Variants in PHLPP2 observed in about 807,000 individuals in gnomAD.
PHLPP2 encodes the protein PH domain leucine-rich repeat-containing protein phosphatase 2.
Under a neutral mutation model 124.9 loss-of-function variants are expected in PHLPP2, and 66 were observed. The observed-to-expected ratio is 0.53, with a 90% CI of 0.43 to 0.65. The LOEUF (loss-of-function observed/expected upper bound fraction) is 0.65, where lower values mean the gene tolerates loss of function less well. Ranked by LOEUF, PHLPP2 falls within the 30% of genes least tolerant of loss-of-function variation. The probability of loss-of-function intolerance (pLI) is 0.00; values close to 1 mark genes in which losing one functional copy is unlikely to be tolerated. For synonymous variants in PHLPP2, 681 were observed against 624.7 expected (o/e 1.09, Z -1.34); for missense variants, 1,685 against 1,600.4 (o/e 1.05, Z -0.90).
intron 1 of PHLPP2, among the ~76,000 whole-genome samples, chr16:71,720,857 G>GA (rs1423024436): frequency 8.4e-5 from 10 of 118,490 alleles, no homozygotes; most frequent in Admixed American, 1.8e-4. Flanking sequence ...CTCCACCTCG[G>GA]AAAAAAAAAC....
At position 71,646,401 on chromosome 16, in the gene PHLPP2, A is replaced by G. The variant is rs1596982607; in HGVS notation, c.*2489T>C. On this transcript the variant is annotated 3_prime_UTR_variant, in exon 19 of 19. Transcript: ENST00000568954. ...GAAAAAAAATTCTACCACACAGAACAACATTTGGAATTACAGAGTTCTGCT... is the reference window on the plus strand; with the variant it reads ...GAAAAAAAATTCTACCACACAGAACGACATTTGGAATTACAGAGTTCTGCT... 6.6e-6 allele frequency: 1 copy of G among 152,334 alleles called. No homozygotes were observed. The allele number at this position is 152,334 out of a possible 1,614,324, so 9.4% of individuals were successfully genotyped here.
At position 71,648,869 on chromosome 16, in the gene PHLPP2, A is replaced by T. The variant is rs961802089; in HGVS notation, c.*21T>A. The T allele has an allele frequency of 6.3e-6, 10 of 1,583,846 alleles. No homozygotes were observed. The highest frequency in any genetic ancestry group is 2.3e-4 in the Middle Eastern group (1 of 4,428). On this transcript the variant is annotated 3_prime_UTR_variant, in exon 19 of 19. Coordinates refer to ENST00000568954, the MANE Select transcript of PHLPP2 (RefSeq NM_015020.3). ...CCCCAACCCTGCACAGCCTCCTCCC[A>T]CACTGTGCCCAGTGGGGCAGTCATA...
chr16:71,664,288 T>C, intron 12 of PHLPP2, 189 bp from the exon 13 acceptor site: 1 of 599,008 alleles, frequency 1.7e-6, no homozygotes, highest in Non-Finnish European at 3.0e-6. Flanking sequence ...ACTCAACTCA[T>C]GCAAACCAAG....
chr16:71,719,742 A>G (rs944833047), intron 1 of PHLPP2, among the ~76,000 whole-genome samples: 8 of 151,780 alleles, frequency 5.3e-5, no homozygotes, highest in African/African-American at 1.9e-4. Flanking sequence ...TCTAGAAGGC[A>G]AAAGTCTTGA....
At chr16:71,719,004 T>A (rs1195806664) in intron 1 of PHLPP2, among the ~76,000 whole-genome samples, 5 of 152,196 alleles carry the variant, frequency 3.3e-5, no homozygotes, top group Non-Finnish European at 5.9e-5. Context: ...CTTGCTCCAC[T>A]GCTTAACACA....
At chr16:71,666,748 T>C (rs2044843525) in intron 12 of PHLPP2, among the ~76,000 whole-genome samples, 2 of 152,242 alleles carry the variant, frequency 1.3e-5, no homozygotes, top group South Asian at 4.1e-4. Flanking sequence ...ATAAAGACTG[T>C]AATTCAAAGG....
intron 13 of PHLPP2, among the ~76,000 whole-genome samples, chr16:71,663,628 A>T (rs1240467683): frequency 6.6e-6 from 1 of 152,260 alleles, no homozygotes; most frequent in African/African-American, 2.4e-5. Context: ...AATCTGTTTC[A>T]TAAGCCTGTA....
Position 71,702,729 on chromosome 16 carries a change from C to A in PHLPP2, c.287G>T (p.Arg96Ile). Residue 96 changes from arginine (R) to isoleucine (I), a missense_variant and splice_region_variant, in exon 3 of 19, where the codon AGA becomes ATA. By Grantham distance (97) the Arg-to-Ile change is moderately conservative (BLOSUM62 -3). Transcript: ENST00000568954. ...YLQLHGDLVR[R>I]LEPTERPLQI... ...AAGAGGTCGTTCAGTAGGTTCCAGT[C>A]TCCTGATTACACAATTCAAAAAAAT... The A allele has an allele frequency of 6.3e-7, 1 of 1,593,206 alleles. No homozygotes were observed. The highest frequency in any genetic ancestry group is 8.6e-7 in the Non-Finnish European group (1 of 1,167,094).
intron 1 of PHLPP2, chr16:71,723,244 G>A (rs949420096): frequency 1.3e-5 from 2 of 152,354 alleles, no homozygotes; most frequent in African/African-American, 2.4e-5. Flanking sequence ...CGAGGGCAGA[G>A]GAGCCGGCTC....
At position 71,648,795 on chromosome 16, in the gene PHLPP2, G is replaced by A. The variant is rs2044671328; in HGVS notation, c.*95C>T. ...CAAAACAAACAAACAAAAAAAAAAC[G>A]AACAAACAAAAAGAAATGTAGAGGC... On this transcript the variant is annotated 3_prime_UTR_variant, in exon 19 of 19. Transcript: ENST00000568954. 2.1e-5 allele frequency: 19 copies of A among 910,348 alleles called. No individual in the cohort carries two copies. Among genetic ancestry groups the A allele is most frequent in the East Asian group, 7.2e-5 (3 of 41,524 alleles). 56.4% of individuals were successfully genotyped at this position (910,348 alleles called of 1,614,324 possible).
rs988605187 is a variant in PHLPP2 at position 71,664,164 on chromosome 16, C to A, written c.1785-65G>T. 8 of 1,057,966 alleles carry A rather than the reference C, an allele frequency of 7.6e-6. No homozygotes were observed. The African/African-American group carries it at 1.1e-4, about 14-fold the overall frequency. 65.5% of individuals were successfully genotyped at this position (1,057,966 alleles called of 1,614,324 possible). The stretch of plus-strand genomic sequence containing the variant: ...ATTTGCTGCCTTCCTATATAGAAAC[C>A]ATCATGTCACCTCAGTATGGAATGC... On this transcript the variant is annotated intron_variant, in intron 12 of 18. Coordinates refer to ENST00000568954, the MANE Select transcript of PHLPP2 (RefSeq NM_015020.3).
intron 2 of PHLPP2, among the ~76,000 whole-genome samples, chr16:71,704,371 C>T (rs946401026): frequency 1.3e-5 from 2 of 150,582 alleles, no homozygotes; most frequent in African/African-American, 4.9e-5. Flanking sequence ...TGATGCATTT[C>T]CCATCATGAC....
At chr16:71,656,784 CT>C in intron 15 of PHLPP2, 103 bp from the exon 16 acceptor site, 1 of 661,434 alleles carries the variant, frequency 1.5e-6, no homozygotes, top group Non-Finnish European at 2.6e-6. Context: ...GAGTCTCCCT[CT>C]TGTCACCCAG....
intron 1 of PHLPP2, 190 bp from the exon 2 acceptor site, chr16:71,714,991 C>T (rs865941216): frequency 3.8e-5 from 25 of 657,752 alleles, no homozygotes; most frequent in Middle Eastern, 4.2e-4. Context: ...TTCTTTACTG[C>T]TGTCTGTGTT....
At chr16:71,721,760 TA>T (rs548923914) in intron 1 of PHLPP2, among the ~76,000 whole-genome samples, 1 of 151,002 alleles carries the variant, frequency 6.6e-6, no homozygotes, top group Non-Finnish European at 1.5e-5. Flanking sequence ...TAATCATTAC[TA>T]AAAAAAAACC....
At chr16:71,664,192 C>G in intron 12 of PHLPP2, 93 bp from the exon 13 acceptor site, 1 of 840,668 alleles carries the variant, frequency 1.2e-6, no homozygotes. Flanking sequence ...TGGAATGCTG[C>G]CATTCTAAGC....
chr16:71,697,383 A>T (rs2045183437), intron 3 of PHLPP2, among the ~76,000 whole-genome samples: 1 of 152,048 alleles, frequency 6.6e-6, no homozygotes, highest in Non-Finnish European at 1.5e-5. Context: ...CACTCCATAC[A>T]ATGGAAGAAA....
chr16:71,721,158 C>T (rs2045395913), intron 1 of PHLPP2, among the ~76,000 whole-genome samples: 2 of 150,366 alleles, frequency 1.3e-5, no homozygotes, highest in Admixed American at 1.3e-4. Flanking sequence ...CAAGGTAAGA[C>T]CTCATCTCTA....
intron 3 of PHLPP2, among the ~76,000 whole-genome samples, chr16:71,691,147 G>T (rs1439136684): frequency 6.6e-6 from 1 of 151,974 alleles, no homozygotes. Flanking sequence ...ACCTTCTGGG[G>T]ATTCTTATAA....
Sources: gnomAD v4.1 joint callset for allele counts (sites outside exome capture counted in the v4.1 genomes callset) on GRCh38, gnomAD v4.1.1 for gene constraint, MANE v1.5 for transcripts, NCBI Gene and HGNC (gene_info 2026-07-23, HGNC 2026-07-21) for gene names.